CNTN3: variants seen among roughly 807,000 people sequenced by gnomAD.
The protein encoded by CNTN3 is contactin 3, also known as contactin-3.
Under a neutral mutation model 119.1 loss-of-function variants are expected in CNTN3, and 60 were observed. The ratio of observed to expected loss-of-function variants is 0.50; its 90% CI spans 0.41 to 0.62. The LOEUF (loss-of-function observed/expected upper bound fraction) is 0.62, where lower values mean the gene tolerates loss of function less well. CNTN3 is among the 20% of genes least tolerant of loss of function. The pLI, the probability that CNTN3 is intolerant of heterozygous loss-of-function variation, is 0.00. For synonymous variants in CNTN3, 450 were observed against 438.7 expected (o/e 1.03, Z -0.32); for missense variants, 1,101 against 1,242.4 (o/e 0.89, Z 1.71).
At position 74,511,465 on chromosome 3, in the gene CNTN3, T is replaced by C. The variant is rs77380511; in HGVS notation, c.55+9593A>G. 6.9e-3 allele frequency among the ~76,000 whole-genome samples: 1,052 copies of C among 152,218 alleles called. 12 individuals carry two copies. The highest frequency in any genetic ancestry group is 0.024 in the African/African-American group (1,002 of 41,516). ...GGTACATCTAAGTATAATACCACTT[T>C]ATCAGAAATTCAATTCAACACATCT... On this transcript the variant is annotated intron_variant, in intron 2 of 22. Coordinates refer to ENST00000263665, the MANE Select transcript of CNTN3 (RefSeq NM_020872.3).
chr3:74,308,369 G>A (rs573753907), intron 13 of CNTN3, among the ~76,000 whole-genome samples: 1 of 152,186 alleles, frequency 6.6e-6, no homozygotes, highest in Non-Finnish European at 1.5e-5. Flanking sequence ...CAGGTAAGAT[G>A]CAATCAGTTA....
chr3:74,580,924 T>G (rs538954006), intron 1 of CNTN3, among the ~76,000 whole-genome samples: 1 of 152,132 alleles, frequency 6.6e-6, no homozygotes, highest in Non-Finnish European at 1.5e-5. Flanking sequence ...GCCATGTTGC[T>G]CACATTGGTC....
At chr3:74,435,909 T>C (rs1187678647) in intron 4 of CNTN3, among the ~76,000 whole-genome samples, 1 of 152,082 alleles carries the variant, frequency 6.6e-6, no homozygotes, top group Admixed American at 6.5e-5. Flanking sequence ...TCTCCTCCCA[T>C]CCAATCCATC....
intron 13 of CNTN3, among the ~76,000 whole-genome samples, chr3:74,305,517 A>G (rs1702545122): frequency 6.6e-6 from 1 of 152,176 alleles, no homozygotes; most frequent in South Asian, 2.1e-4. Flanking sequence ...TAACAGTAGA[A>G]TGGACAAACA....
intron 1 of CNTN3, among the ~76,000 whole-genome samples, chr3:74,559,790 G>C (rs544724697): frequency 6.6e-6 from 1 of 151,528 alleles, no homozygotes; most frequent in Non-Finnish European, 1.5e-5. Flanking sequence ...CCATGCAATT[G>C]CTTAATATAA....
At position 74,614,642 on chromosome 3, in the gene CNTN3, C is replaced by G. The variant is rs1367304016; in HGVS notation, c.-332G>C. Among the ~76,000 whole-genome samples, 1 of 149,368 alleles carries G rather than the reference C, an allele frequency of 6.7e-6. No individual in the cohort carries two copies. Among genetic ancestry groups the G allele is most frequent in the Admixed American group, 6.6e-5 (1 of 15,038 alleles). On this transcript the variant is annotated 5_prime_UTR_variant, in exon 1 of 23. Transcript: ENST00000263665. ...AGCGCCAGGCTGCTGTGGCTGCTGC[C>G]GGCGCCTAGCGAGCACTGCCCGTGC...
intron 11 of CNTN3, among the ~76,000 whole-genome samples, chr3:74,357,466 A>G (rs1351626243): frequency 6.6e-6 from 1 of 151,758 alleles, no homozygotes; most frequent in East Asian, 1.9e-4. Context: ...TATTTTTAGT[A>G]GAGACAGGGT....
Position 74,428,262 on chromosome 3 carries a change from T to C in CNTN3, c.359-3322A>G, listed in dbSNP as rs892789578. 4.6e-5 allele frequency among the ~76,000 whole-genome samples: 7 copies of C among 151,624 alleles called. No homozygotes were observed. The South Asian group carries it at 1.2e-3, about 27-fold the overall frequency. On this transcript the variant is annotated intron_variant, in intron 4 of 22. Coordinates refer to ENST00000263665, the MANE Select transcript of CNTN3 (RefSeq NM_020872.3). ...GTTATTTTAGAATATATTACTTCTATAAATTGAAAAAAAAAAGGTTAACCA... is the reference window on the plus strand; with the variant it reads ...GTTATTTTAGAATATATTACTTCTACAAATTGAAAAAAAAAAGGTTAACCA...
At chr3:74,604,006 A>G (rs970296076) in intron 1 of CNTN3, among the ~76,000 whole-genome samples, 5 of 152,168 alleles carry the variant, frequency 3.3e-5, no homozygotes, top group African/African-American at 1.2e-4. Context: ...GTCAAGAAAT[A>G]AATCCATGCA....
intron 3 of CNTN3, among the ~76,000 whole-genome samples, chr3:74,487,865 TA>T (rs1702887052): frequency 6.6e-6 from 1 of 151,988 alleles, no homozygotes. Context: ...AAAGGTAAAT[TA>T]AAAAATTCAG....
intron 20 of CNTN3, among the ~76,000 whole-genome samples, chr3:74,274,893 A>C (rs1211072833): frequency 6.6e-6 from 1 of 152,214 alleles, no homozygotes; most frequent in Non-Finnish European, 1.5e-5. Flanking sequence ...CAATACAAGG[A>C]AATCCAAAAA....
In CNTN3 at chr3:74,293,894, G is replaced by A. The variant is rs143711847; in HGVS notation, c.2517+1227C>T. Among the ~76,000 whole-genome samples the A allele has an allele frequency of 5.1e-3, 778 of 152,282 alleles. 17 individuals are homozygous for A. The highest frequency in any genetic ancestry group is 0.029 in the East Asian group (152 of 5,172). ...CTGCCTGTCCATGGCCTTAGTTTGA[G>A]AAGTCTGAACTGAGCCCTAAATTTG... On this transcript the variant is annotated intron_variant, in intron 19 of 22. Transcript: ENST00000263665.
At chr3:74,310,446 G>A (rs1180045109) in intron 13 of CNTN3, among the ~76,000 whole-genome samples, 1 of 152,120 alleles carries the variant, frequency 6.6e-6, no homozygotes, top group Non-Finnish European at 1.5e-5. Context: ...ACTAGGTGGG[G>A]GGCTTGATTG....
intron 1 of CNTN3, among the ~76,000 whole-genome samples, chr3:74,541,777 AT>A (rs1703846184): frequency 6.6e-6 from 1 of 152,236 alleles, no homozygotes; most frequent in African/African-American, 2.4e-5. Flanking sequence ...GTATGAAAAA[AT>A]GTTTCACTAT....
At position 74,370,739 on chromosome 3, in the gene CNTN3, T is replaced by A. The variant is rs546525886; in HGVS notation, c.658+457A>T. Among the ~76,000 whole-genome samples the A allele has an allele frequency of 2.0e-5, 3 of 152,178 alleles. No homozygotes were observed. In the East Asian group the frequency reaches 5.8e-4, roughly 29 times the overall value. ...GACTCCCCTTAAACAGCCATCAAGG[T>A]GTTGATGAAACAGATATTTTTCTTT... On this transcript the variant is annotated intron_variant, in intron 6 of 22. Transcript: ENST00000263665.
chr3:74,307,031 T>A (rs942608343), intron 13 of CNTN3, among the ~76,000 whole-genome samples: 13 of 152,168 alleles, frequency 8.5e-5, no homozygotes, highest in African/African-American at 2.9e-4. Context: ...TCATTTGAGC[T>A]AAGATTTAAC....
chr3:74,371,348 T>A lies in CNTN3; in HGVS notation c.506A>T (p.Asp169Val). 6.2e-7 allele frequency: 1 copy of A among 1,613,466 alleles called. No homozygotes were observed. The highest frequency in any genetic ancestry group is 8.5e-7 in the Non-Finnish European group (1 of 1,179,592). Residue 169 changes from aspartate to valine, a missense_variant, in exon 6 of 23, where the codon GAT becomes GTT. Transcript: ENST00000263665. ...CTCCTGGGAGACAAATCTCCGACTA[T>A]CTTCTTCAACAAACGATGGGTATTC... Reference protein sequence around the residue: ...FNEYPSFVEEDSRRFVSQETG... With the variant: ...FNEYPSFVEEVSRRFVSQETG...
chr3:74,316,919 C>T (rs1421544224), intron 13 of CNTN3, among the ~76,000 whole-genome samples: 1 of 140,362 alleles, frequency 7.1e-6, no homozygotes, highest in African/African-American at 2.7e-5. Context: ...CAGAGTGAGA[C>T]TCCATCTCAA....
chr3:74,525,084 T>C (rs2107127773), intron 1 of CNTN3, among the ~76,000 whole-genome samples: 1 of 151,908 alleles, frequency 6.6e-6, no homozygotes, highest in Admixed American at 6.6e-5. Context: ...AATAATCATA[T>C]TTGAAATAAA....
Sources: gnomAD v4.1 joint callset for allele counts (sites outside exome capture counted in the v4.1 genomes callset) on GRCh38, gnomAD v4.1.1 for gene constraint, MANE v1.5 for transcripts, NCBI Gene and HGNC (gene_info 2026-07-23, HGNC 2026-07-21) for gene names.